Variants in CPAP observed in about 807,000 individuals in gnomAD.
CPAP encodes centrosomal P4.1-associated protein.
At chr13:24,912,461 T>C in the CPAP span, 2 of 822,816 alleles carry the variant, frequency 2.4e-6, no homozygotes, top group Non-Finnish European at 3.9e-6. Flanking sequence ...GGGCAAAATC[T>C]GGTATTCTGA....
At chr13:24,892,805 T>TACACACAA in the CPAP span, 1 of 1,613,850 alleles carries the variant, frequency 6.2e-7, no homozygotes, top group Non-Finnish European at 8.5e-7. Context: ...TGTGTGTACT[T>TACACACAA]GACCATTTGG....
the CPAP span, among the ~76,000 whole-genome samples, chr13:24,896,055 A>G: frequency 9.7e-4 from 148 of 152,342 alleles, no homozygotes; most frequent in African/African-American, 3.3e-3. Context: ...TATTAAGTAT[A>G]TATCTGTTTT....
chr13:24,926,707 CG>C, the CPAP span, among the ~76,000 whole-genome samples: 4 of 152,272 alleles, frequency 2.6e-5, no homozygotes, highest in Admixed American at 2.0e-4. Context: ...ACTACAGTTA[CG>C]GGACCCTGTC....
chr13:24,889,264 T>C, the CPAP span: 1 of 1,231,302 alleles, frequency 8.1e-7, no homozygotes, highest in Admixed American at 1.7e-5. Flanking sequence ...GTATAAATTG[T>C]TTATTCCTTA....
the CPAP span, among the ~76,000 whole-genome samples, chr13:24,914,345 C>T: frequency 6.6e-6 from 1 of 152,126 alleles, no homozygotes; most frequent in Admixed American, 6.5e-5. Context: ...CATTACCTAC[C>T]TATTTAAACC....
At chr13:24,899,806 GA>G in the CPAP span, among the ~76,000 whole-genome samples, 302 of 152,088 alleles carry the variant, frequency 2.0e-3, no homozygotes, top group Non-Finnish European at 3.5e-3. Flanking sequence ...AAACCACAGT[GA>G]AAAAAACAAA....
the CPAP span, chr13:24,884,218 T>G: frequency 6.2e-7 from 1 of 1,614,112 alleles, no homozygotes; most frequent in Non-Finnish European, 8.5e-7. Flanking sequence ...GTCGTGTGAG[T>G]GGTCTGGGCA....
At chr13:24,927,812 T>C in the CPAP span, among the ~76,000 whole-genome samples, 1 of 152,202 alleles carries the variant, frequency 6.6e-6, no homozygotes, top group Non-Finnish European at 1.5e-5. Flanking sequence ...GCCAATACTT[T>C]TGAATTTATA....
chr13:24,888,724 T>C, the CPAP span, among the ~76,000 whole-genome samples: 4 of 152,312 alleles, frequency 2.6e-5, no homozygotes, highest in African/African-American at 4.8e-5. Context: ...GCAAACCTAA[T>C]TGCCCATCAC....
At chr13:24,883,672 A>G in the CPAP span, among the ~76,000 whole-genome samples, 3 of 152,174 alleles carry the variant, frequency 2.0e-5, no homozygotes, top group Admixed American at 2.0e-4. Context: ...TAATTTAAAA[A>G]CCATCTGAGT....
the CPAP span, chr13:24,906,376 G>A: frequency 1.9e-6 from 3 of 1,612,590 alleles, no homozygotes; most frequent in Non-Finnish European, 2.5e-6. Flanking sequence ...GAAGAGAAAC[G>A]TCAAGAGAAG....
the CPAP span, among the ~76,000 whole-genome samples, chr13:24,928,810 G>T: frequency 6.6e-6 from 1 of 152,110 alleles, no homozygotes; most frequent in Non-Finnish European, 1.5e-5. Context: ...TAAATCTATT[G>T]CTGGTGTATT....
At chr13:24,905,439 T>C in the CPAP span, 1 of 1,614,224 alleles carries the variant, frequency 6.2e-7, no homozygotes, top group Non-Finnish European at 8.5e-7. Flanking sequence ...AAGAATTTCA[T>C]CATCAGCTCC....
At chr13:24,884,465 T>C in the CPAP span, 1 of 1,613,956 alleles carries the variant, frequency 6.2e-7, no homozygotes, top group Non-Finnish European at 8.5e-7. Context: ...CTTTTCCACC[T>C]AAAAAACCAA....
chr13:24,904,119 G>A, the CPAP span: 3 of 1,584,250 alleles, frequency 1.9e-6, no homozygotes, highest in South Asian at 1.1e-5. Flanking sequence ...AAAAACACTA[G>A]CTAGCTAGTA....
At chr13:24,897,441 C>CTG in the CPAP span, among the ~76,000 whole-genome samples, 4 of 152,292 alleles carry the variant, frequency 2.6e-5, no homozygotes, top group South Asian at 8.3e-4. Context: ...GCCTGCTACA[C>CTG]AGCAGGTACT....
the CPAP span, chr13:24,911,830 C>A: frequency 7.9e-7 from 1 of 1,268,308 alleles, no homozygotes; most frequent in Non-Finnish European, 1.1e-6. Flanking sequence ...ATCGGGCTAG[C>A]CTTTAAAGAA....
chr13:24,909,838 G>C, the CPAP span: 1 of 1,613,788 alleles, frequency 6.2e-7, no homozygotes, highest in Non-Finnish European at 8.5e-7. Flanking sequence ...TTTTCCACAG[G>C]TGCTTCTTGA....
chr13:24,901,159 G>A, the CPAP span, among the ~76,000 whole-genome samples: 6 of 152,282 alleles, frequency 3.9e-5, no homozygotes, highest in East Asian at 7.7e-4. Context: ...CATTCTTACT[G>A]ACTATTCAAA....
Sources: gnomAD v4.1 joint callset for allele counts (sites outside exome capture counted in the v4.1 genomes callset) on GRCh38, gnomAD v4.1.1 for gene constraint, MANE v1.5 for transcripts, NCBI Gene and HGNC (gene_info 2026-07-23, HGNC 2026-07-21) for gene names.